Variants in NFIL3 observed in about 807,000 individuals in gnomAD.
NFIL3 encodes nuclear factor, interleukin 3 regulated, also known as nuclear factor interleukin-3-regulated protein.
In NFIL3, 5 loss-of-function variants were observed where a neutral mutation model predicts 10.0. The ratio of observed to expected loss-of-function variants is 0.50; its 90% confidence interval spans 0.26 to 1.06. NFIL3 has a LOEUF of 1.06. Among genes scored for constraint, NFIL3 ranks in the 50% least tolerant of loss-of-function variants. The pLI, the probability that NFIL3 is intolerant of heterozygous loss-of-function variation, is 0.13. For missense variants in NFIL3, 436 were observed against 547.6 expected, an observed-to-expected ratio of 0.80 and a Z score of 2.03; for synonymous variants, 202 against 206.5, an observed-to-expected ratio of 0.98 and a Z score of 0.19.
intron 1 of NFIL3, among the ~76,000 whole-genome samples, chr9:91,414,855 G>A (rs550674447): frequency 7.4e-4 from 113 of 152,190 alleles, no homozygotes; most frequent in Non-Finnish European, 1.3e-3. Flanking sequence ...ACTTCAGGGC[G>A]GAAATTAAAA....
In NFIL3 at chr9:91,412,749, C is replaced by T. The variant is rs187543148; in HGVS notation, c.-172-1843G>A. On this transcript the variant is annotated intron_variant, in intron 1 of 1. Transcript: ENST00000297689. ...ATCCCAGCTACTCGGGAGGCTGAGG[C>T]AGGAGAATCGCTTGAACCCAGGAAC... 5.3e-3 allele frequency among the ~76,000 whole-genome samples: 795 copies of T among 151,172 alleles called. 4 individuals carry two copies. The highest frequency in any genetic ancestry group is 8.8e-3 in the Non-Finnish European group (596 of 67,968).
Position 91,410,158 on chromosome 9 carries a change from C to T in NFIL3, c.577G>A (p.Val193Met), listed in dbSNP as rs779168857. 1.9e-6 allele frequency: 3 copies of T among 1,614,028 alleles called. No homozygotes were observed. Among genetic ancestry groups the T allele is most frequent in the Admixed American group, 1.7e-5 (1 of 60,002 alleles). The change falls in exon 2 of 2, where the codon GTG (valine) becomes ATG (methionine). Residue 193 changes from valine (V) to methionine (M), a missense_variant. Coordinates refer to ENST00000297689, the MANE Select transcript of NFIL3 (RefSeq NM_005384.3). This position sits in a 1 kb window ranked among gnomAD's most constrained non-coding sequence, Gnocchi z 5.7. Reference sequence around the variant, plus strand: ...TCCTGCGTGTGTTCTACTGAGGACACTTCTGAAACATCGGACAGCGAGCTT... The same window carrying T: ...TCCTGCGTGTGTTCTACTGAGGACATTTCTGAAACATCGGACAGCGAGCTT... Reference protein sequence around the residue: ...PQSSLSDVSEVSSVEHTQESS... With the variant: ...PQSSLSDVSEMSSVEHTQESS...
the NFIL3 span, among the ~76,000 whole-genome samples, chr9:91,437,282 A>G: frequency 2.0e-5 from 3 of 152,230 alleles, no homozygotes; most frequent in Non-Finnish European, 4.4e-5. Flanking sequence ...ACCCATGTAA[A>G]GTGCACGATT....
chr9:91,460,910 C>T, the NFIL3 span, among the ~76,000 whole-genome samples: 3 of 152,196 alleles, frequency 2.0e-5, no homozygotes, highest in African/African-American at 7.2e-5. Context: ...ATATCCTAAG[C>T]ATATAGGCAA....
In NFIL3 at chr9:91,418,483, T is replaced by C. The variant is rs544648999; in HGVS notation, c.-173+5157A>G. Among the ~76,000 whole-genome samples, 4 of 152,370 alleles carry C rather than the reference T, an allele frequency of 2.6e-5. No homozygotes were observed. In the South Asian group the frequency reaches 8.3e-4, roughly 32 times the overall value. On this transcript the variant is annotated intron_variant, in intron 1 of 1. Transcript: ENST00000297689. ...GGCTGAGAAAATTCTTGAAAGTTTC[T>C]AATGATAATGTAGAATCATCCCAAC... is the stretch of plus-strand genomic sequence containing the variant.
At chr9:91,411,692 CTTTGAA>C (rs1833552087) in intron 1 of NFIL3, among the ~76,000 whole-genome samples, 1 of 152,050 alleles carries the variant, frequency 6.6e-6, no homozygotes, top group Non-Finnish European at 1.5e-5. Context: ...TTTCTGATTC[CTTTGAA>C]TTTGTTCTAT....
intron 1 of NFIL3, among the ~76,000 whole-genome samples, chr9:91,418,554 G>C (rs140489255): frequency 2.0e-5 from 3 of 152,314 alleles, no homozygotes; most frequent in Non-Finnish European, 4.4e-5. Context: ...TTTCCAGTCA[G>C]TGGATGATTA....
upstream of NFIL3, among the ~76,000 whole-genome samples, chr9:91,427,830 G>C (rs2118073943): frequency 6.6e-6 from 1 of 151,804 alleles, no homozygotes; most frequent in South Asian, 2.1e-4. Context: ...TTTTTTGTTA[G>C]AGTCAGTGTC....
chr9:91,440,353 T>C, the NFIL3 span, among the ~76,000 whole-genome samples: 1 of 151,970 alleles, frequency 6.6e-6, no homozygotes, highest in African/African-American at 2.4e-5. Context: ...ATCCGTGTAA[T>C]ATCTTCAATA....
At chr9:91,412,563 G>C (rs1833573671) in intron 1 of NFIL3, among the ~76,000 whole-genome samples, 1 of 152,188 alleles carries the variant, frequency 6.6e-6, no homozygotes, top group Non-Finnish European at 1.5e-5. Flanking sequence ...GATGTAATGA[G>C]CCAGGTGTGG....
At chr9:91,437,683 C>A in the NFIL3 span, among the ~76,000 whole-genome samples, 2 of 152,166 alleles carry the variant, frequency 1.3e-5, no homozygotes, top group Non-Finnish European at 2.9e-5. Context: ...TAGCCCCACC[C>A]CTGGTAAGCA....
chr9:91,478,608 G>C, the NFIL3 span, among the ~76,000 whole-genome samples: 67 of 152,078 alleles, frequency 4.4e-4, no homozygotes, highest in African/African-American at 1.3e-3. Context: ...GCTCGGAGGA[G>C]TTTGTTATTA....
chr9:91,409,053 T>G lies in NFIL3; in HGVS notation c.*293A>C, dbSNP rs1833484885. On this transcript the variant is annotated 3_prime_UTR_variant, in exon 2 of 2. Coordinates refer to ENST00000297689, the MANE Select transcript of NFIL3 (RefSeq NM_005384.3). ...ATGCAATGGAGCAGGAGTTCTGTGT[T>G]TGTCACCAATCCTTTATTGAAACTG... 3.7e-6 allele frequency: 1 copy of G among 268,692 alleles called. No homozygotes were observed. Among genetic ancestry groups the G allele is most frequent in the Non-Finnish European group, 6.9e-6 (1 of 144,296 alleles). 16.6% of individuals were successfully genotyped at this position (268,692 alleles called of 1,614,324 possible). A position where few individuals can be genotyped will look rare whatever the true frequency, so the allele number is the denominator to read the frequency against.
intron 1 of NFIL3, among the ~76,000 whole-genome samples, chr9:91,414,563 CA>C (rs1833616873): frequency 6.6e-6 from 1 of 152,140 alleles, no homozygotes; most frequent in African/African-American, 2.4e-5. Context: ...CAGGCCACCT[CA>C]TTTGTTTTTA....
At chr9:91,446,815 TTTC>T in the NFIL3 span, among the ~76,000 whole-genome samples, 1 of 149,724 alleles carries the variant, frequency 6.7e-6, no homozygotes, top group Admixed American at 6.7e-5. Context: ...TCTCTCTCTC[TTTC>T]TTTCTTTCTC....
chr9:91,436,595 C>T, the NFIL3 span, among the ~76,000 whole-genome samples: 3 of 150,588 alleles, frequency 2.0e-5, no homozygotes, highest in Non-Finnish European at 3.0e-5. Context: ...ACAACAACAA[C>T]AACAACAACA....
At chr9:91,480,878 T>C in the NFIL3 span, among the ~76,000 whole-genome samples, 2 of 152,216 alleles carry the variant, frequency 1.3e-5, no homozygotes, top group Admixed American at 1.3e-4. Flanking sequence ...GAGGATCTGA[T>C]AGGACTCAGA....
the NFIL3 span, among the ~76,000 whole-genome samples, chr9:91,481,979 T>C: frequency 6.6e-6 from 1 of 152,166 alleles, no homozygotes; most frequent in East Asian, 1.9e-4. Context: ...TGCAATCTAT[T>C]TGCTTAAAAG....
the NFIL3 span, among the ~76,000 whole-genome samples, chr9:91,441,788 A>G: frequency 6.6e-6 from 1 of 151,970 alleles, no homozygotes; most frequent in African/African-American, 2.4e-5. Flanking sequence ...CTTTTACCCT[A>G]CCCCACACAA....
Sources: allele counts gnomAD v4.1 joint callset (sites outside exome capture counted in the v4.1 genomes callset), GRCh38; gene constraint gnomAD v4.1.1; non-coding constraint Gnocchi (gnomAD v3.1); transcripts MANE v1.5; gene names NCBI Gene and HGNC (gene_info 2026-07-23, HGNC 2026-07-21).